Variants in DAB1 observed in about 807,000 individuals in gnomAD.
DAB1 encodes disabled homolog 1.
DAB1 carries 15 observed loss-of-function variants against 64.6 expected under a neutral mutation model. The observed-to-expected ratio is 0.23, with a 90% CI of 0.16 to 0.36. The LOEUF (loss-of-function observed/expected upper bound fraction) is 0.36. Ranked by LOEUF, DAB1 falls within the 10% of genes least tolerant of loss-of-function variation. The pLI is 1.00. For missense variants in DAB1, 596 were observed against 706.7 expected (o/e 0.84, Z 1.78); for synonymous variants, 235 against 251.9 (o/e 0.93, Z 0.64).
intron 5 of DAB1, among the ~76,000 whole-genome samples, chr1:58,112,941 G>A (rs968780618): frequency 3.9e-4 from 60 of 152,180 alleles, no homozygotes; most frequent in African/African-American, 1.4e-3. Flanking sequence ...GAGACACAAT[G>A]CTTCCTGTGA....
intron 7 of DAB1, among the ~76,000 whole-genome samples, chr1:57,563,385 C>G (rs1645075944): frequency 6.6e-6 from 1 of 152,158 alleles, no homozygotes; most frequent in Non-Finnish European, 1.5e-5. Context: ...CGGGTGATTT[C>G]TGCATTTCCA....
chr1:58,296,544 T>C (rs1219947935), intron 4 of DAB1, among the ~76,000 whole-genome samples: 5 of 152,204 alleles, frequency 3.3e-5, no homozygotes, highest in Non-Finnish European at 1.5e-5. Flanking sequence ...TGGAGGCTCA[T>C]GCATATGTTG....
rs541740182 is a variant in DAB1 at position 57,590,531 on chromosome 1, C to G, written n.625+59061G>C. Among the ~76,000 whole-genome samples, 229 of 152,016 alleles carry G rather than the reference C, an allele frequency of 1.5e-3. 1 individual carries two copies. Among genetic ancestry groups the G allele is most frequent in the African/African-American group, 4.8e-3 (198 of 41,452 alleles). Reference sequence around the variant, plus strand: ...TATTTTTAGTAGAGATGGGGTTTCACCATGTTGGCCAGGATGGTTTCAATC... The same window carrying G: ...TATTTTTAGTAGAGATGGGGTTTCAGCATGTTGGCCAGGATGGTTTCAATC... On this transcript the variant is annotated intron_variant and non_coding_transcript_variant, in intron 7 of 20. Coordinates refer to the DAB1 transcript ENST00000485760.
chr1:57,744,415 A>G (rs1420354863), intron 6 of DAB1, among the ~76,000 whole-genome samples: 1 of 150,668 alleles, frequency 6.6e-6, no homozygotes, highest in African/African-American at 2.5e-5. Context: ...GTCAAGAGAA[A>G]CCATTTGAGT....
intron 4 of DAB1, among the ~76,000 whole-genome samples, chr1:58,204,492 G>A (rs140791395): frequency 1.1e-3 from 168 of 152,284 alleles, no homozygotes; most frequent in African/African-American, 3.7e-3. Flanking sequence ...CACCAGTAGG[G>A]GGTAGAGAAG....
chr1:58,463,678 G>C (rs1019415171), intron 3 of DAB1, among the ~76,000 whole-genome samples: 1 of 152,230 alleles, frequency 6.6e-6, no homozygotes, highest in African/African-American at 2.4e-5. Context: ...GTTTGCATGT[G>C]GATGCTGCTT....
intron 11 of DAB1, among the ~76,000 whole-genome samples, chr1:57,020,686 T>A (rs1382233773): frequency 6.6e-6 from 1 of 152,238 alleles, no homozygotes; most frequent in Non-Finnish European, 1.5e-5. Context: ...CAGCATATTC[T>A]ACACTAAATA....
At chr1:58,167,358 C>A (rs1038031612) in intron 4 of DAB1, among the ~76,000 whole-genome samples, 4 of 150,504 alleles carry the variant, frequency 2.7e-5, no homozygotes, top group African/African-American at 9.8e-5. Context: ...CCAATCAGCA[C>A]TCTGTAAAAA....
chr1:57,508,886 C>A (rs1644376810), intron 7 of DAB1, among the ~76,000 whole-genome samples: 1 of 151,730 alleles, frequency 6.6e-6, no homozygotes, highest in Non-Finnish European at 1.5e-5. Flanking sequence ...ATATAAAACA[C>A]ATTTATATAT....
At chr1:57,670,796 A>G (rs72910551) in intron 6 of DAB1, among the ~76,000 whole-genome samples, 39,066 of 152,018 alleles carry the variant, frequency 0.26, 5,265 homozygotes, top group Admixed American at 0.34. Context: ...TTTCAGGGAG[A>G]AGACATTTCC....
chr1:58,048,831 G>A (rs755817832), intron 5 of DAB1: 39 of 1,039,804 alleles, frequency 3.8e-5, no homozygotes, highest in African/African-American at 1.1e-4. Context: ...AATCATGGTT[G>A]TCAAAGGTTA....
At chr1:57,673,224 A>G (rs12566928) in intron 6 of DAB1, among the ~76,000 whole-genome samples, 23,864 of 152,118 alleles carry the variant, frequency 0.16, 2,227 homozygotes, top group Admixed American at 0.25. Context: ...AGACTCTTTT[A>G]TAAAGGTACT....
intron 2 of DAB1, among the ~76,000 whole-genome samples, chr1:58,522,175 G>C (rs1226904052): frequency 1.3e-5 from 2 of 152,120 alleles, no homozygotes; most frequent in Non-Finnish European, 2.9e-5. Flanking sequence ...AGAAAATGCA[G>C]GGGGAAGGAG....
intron 1 of DAB1, among the ~76,000 whole-genome samples, chr1:57,295,903 A>G (rs983067844): frequency 1.3e-5 from 2 of 152,156 alleles, no homozygotes; most frequent in African/African-American, 2.4e-5. Flanking sequence ...AAATCAATTC[A>G]ATTTTATGTT....
chr1:57,361,344 A>T (rs890806371), intron 1 of DAB1, among the ~76,000 whole-genome samples: 2 of 152,172 alleles, frequency 1.3e-5, no homozygotes, highest in African/African-American at 4.8e-5. Context: ...GAATCAGATA[A>T]CTAGCTCAGA....
intron 5 of DAB1, among the ~76,000 whole-genome samples, chr1:57,979,572 T>C (rs548683486): frequency 1.5e-4 from 23 of 152,240 alleles, no homozygotes; most frequent in African/African-American, 5.3e-4. Flanking sequence ...ATTTTAAAAA[T>C]AGAATAATAC....
At chr1:58,371,931 C>T (rs1018923710) in intron 3 of DAB1, among the ~76,000 whole-genome samples, 6 of 152,196 alleles carry the variant, frequency 3.9e-5, no homozygotes, top group Non-Finnish European at 7.3e-5. Flanking sequence ...CCAAAATGTC[C>T]AGGCAGAAGT....
chr1:57,598,067 C>A (rs910802435), intron 7 of DAB1, among the ~76,000 whole-genome samples: 1 of 152,218 alleles, frequency 6.6e-6, no homozygotes, highest in Non-Finnish European at 1.5e-5. Flanking sequence ...ACTGCAAGCT[C>A]CACCTCCCAG....
chr1:58,040,678 C>G (rs1392086480), intron 5 of DAB1, among the ~76,000 whole-genome samples: 1 of 152,194 alleles, frequency 6.6e-6, no homozygotes, highest in Non-Finnish European at 1.5e-5. Flanking sequence ...AAATATACCA[C>G]ATGTCTAAAT....
Sources: gnomAD v4.1 joint callset for allele counts (sites outside exome capture counted in the v4.1 genomes callset) on GRCh38, gnomAD v4.1.1 for gene constraint, MANE v1.5 for transcripts, NCBI Gene and HGNC (gene_info 2026-07-23, HGNC 2026-07-21) for gene names.